SOAT1: variants seen among roughly 807,000 people sequenced by gnomAD.
SOAT1 encodes sterol O-acyltransferase 1, also known as acyl-coenzyme A:cholesterol acyltransferase 1.
A neutral mutation model predicts 69.5 loss-of-function variants in SOAT1; 55 were observed. The ratio of observed to expected loss-of-function variants is 0.79; its 90% CI spans 0.64 to 0.99. SOAT1 has a LOEUF of 0.99. Among genes scored for constraint, SOAT1 ranks in the 50% least tolerant of loss-of-function variants. The pLI is 0.00. For synonymous variants in SOAT1, 231 were observed against 224.7 expected (o/e 1.03, Z -0.25); for missense variants, 580 against 669.3 (o/e 0.87, Z 1.47).
In SOAT1 at chr1:179,358,622, G is replaced by A. The variant is rs942290556; in HGVS notation, c.*4981G>A. ...TGTGTGTGTTAATCCATAGTGTTCT[G>A]AGCACCAGAAGGGTCATGTAAATCT... On this transcript the variant is annotated 3_prime_UTR_variant, in exon 16 of 16. Coordinates refer to ENST00000367619, the MANE Select transcript of SOAT1 (RefSeq NM_003101.6). The A allele has an allele frequency of 5.3e-5, 8 of 152,128 alleles. No homozygotes were observed. Among genetic ancestry groups the A allele is most frequent in the African/African-American group, 1.9e-4 (8 of 41,412 alleles). The allele number at this position is 152,128 out of a possible 1,614,324, so 9.4% of individuals were successfully genotyped here.
chr1:179,330,552 C>G (rs936802746), intron 3 of SOAT1, among the ~76,000 whole-genome samples: 2 of 152,110 alleles, frequency 1.3e-5, no homozygotes, highest in African/African-American at 4.8e-5. Flanking sequence ...CAGTTCCCAA[C>G]AAGGAAGGGG....
intron 1 of SOAT1, among the ~76,000 whole-genome samples, chr1:179,296,746 C>G (rs900408903): frequency 6.6e-6 from 1 of 152,090 alleles, no homozygotes; most frequent in Non-Finnish European, 1.5e-5. Context: ...AGTTCTTTAC[C>G]TGGAGTAGGC....
At chr1:179,345,797 G>T (rs954721874) in intron 11 of SOAT1, among the ~76,000 whole-genome samples, 2 of 152,062 alleles carry the variant, frequency 1.3e-5, no homozygotes, top group Non-Finnish European at 2.9e-5. Context: ...TTATCCTCCT[G>T]TCTCAGCCTC....
intron 2 of SOAT1, among the ~76,000 whole-genome samples, chr1:179,318,241 GATCA>G (rs1386633480): frequency 6.8e-6 from 1 of 146,606 alleles, no homozygotes; most frequent in South Asian, 2.1e-4. Flanking sequence ...AAAGGGCAGA[GATCA>G]ATTAATCCCA....
intron 2 of SOAT1, among the ~76,000 whole-genome samples, chr1:179,317,244 C>T (rs1250844327): frequency 6.6e-6 from 1 of 152,162 alleles, no homozygotes; most frequent in Non-Finnish European, 1.5e-5. Flanking sequence ...AATAAAAATA[C>T]TTAAGCTGGC....
At chr1:179,300,088 C>A (rs768911312) in intron 1 of SOAT1, among the ~76,000 whole-genome samples, 13 of 151,658 alleles carry the variant, frequency 8.6e-5, no homozygotes, top group Non-Finnish European at 1.8e-4. Flanking sequence ...ATGCTTTAAA[C>A]TTTTGCTATA....
intron 15 of SOAT1, among the ~76,000 whole-genome samples, chr1:179,353,220 T>TAAATATATATATATATTTATATATATAA (rs1553248886): frequency 9.9e-6 from 1 of 100,830 alleles, no homozygotes. Flanking sequence ...TATATATATA[T>TAAATATATATATATATTTATATATATAA]ATATCTATTT....
rs1214227073 is a variant in SOAT1 at position 179,358,266 on chromosome 1, GT to G, written c.*4632del. 2 of 152,024 alleles carry G rather than the reference GT, an allele frequency of 1.3e-5. No individual in the cohort carries two copies. Among genetic ancestry groups the G allele is most frequent in the Non-Finnish European group, 2.9e-5 (2 of 67,994 alleles). 9.4% of individuals were successfully genotyped at this position (152,024 alleles called of 1,614,324 possible). ...TAAAAAACTCTAAAACTTCTGTACT[GT>G]TTTTTTCTTAAGTGCTCTCTTCCTT... On this transcript the variant is annotated 3_prime_UTR_variant, in exon 16 of 16. Coordinates refer to ENST00000367619, the MANE Select transcript of SOAT1 (RefSeq NM_003101.6).
chr1:179,321,026 A>C (rs6691771), intron 2 of SOAT1, among the ~76,000 whole-genome samples: 75,398 of 151,620 alleles, frequency 0.5, 19,700 homozygotes, highest in East Asian at 0.84. Flanking sequence ...CCTGCCTTGG[A>C]CTCCCAAGTA....
chr1:179,335,112 C>T (rs1666105001), intron 3 of SOAT1, among the ~76,000 whole-genome samples: 1 of 151,128 alleles, frequency 6.6e-6, no homozygotes, highest in Non-Finnish European at 1.5e-5. Flanking sequence ...GCCTGTAATT[C>T]TAACATTTTG....
intron 2 of SOAT1, among the ~76,000 whole-genome samples, chr1:179,308,670 C>CAA (rs552539528): frequency 6.5e-4 from 64 of 99,204 alleles, no homozygotes; most frequent in South Asian, 3.0e-3. Context: ...AGACTCCGTC[C>CAA]AAAAAAAAAA....
At position 179,357,225 on chromosome 1, in the gene SOAT1, T is replaced by A. The variant is rs1210479157; in HGVS notation, c.*3584T>A. 1.9e-5 allele frequency: 3 copies of A among 160,080 alleles called. No individual in the cohort carries two copies. The highest frequency in any genetic ancestry group is 4.0e-5 in the Non-Finnish European group (3 of 74,494). The allele number at this position is 160,080 out of a possible 1,614,324, so 9.9% of individuals were successfully genotyped here. ...GAATGTTTTGTTTGTTTGTTTGTTT[T>A]GAGACGGAGTCTCAGTCACCAGGCT... On this transcript the variant is annotated 3_prime_UTR_variant, in exon 16 of 16. Coordinates refer to ENST00000367619, the MANE Select transcript of SOAT1 (RefSeq NM_003101.6).
intron 7 of SOAT1, among the ~76,000 whole-genome samples, chr1:179,341,785 G>A (rs12044039): frequency 0.2 from 30,509 of 152,026 alleles, 3,776 homozygotes; most frequent in East Asian, 0.39. Flanking sequence ...CGCCTGCCTC[G>A]GCCTCCCAAA....
At chr1:179,349,843 T>C (rs1571459476) in intron 13 of SOAT1, among the ~76,000 whole-genome samples, 1 of 152,204 alleles carries the variant, frequency 6.6e-6, no homozygotes, top group Non-Finnish European at 1.5e-5. Context: ...GGAAATAGCA[T>C]TGTATTAATA....
At chr1:179,343,083 C>T in intron 9 of SOAT1, 140 bp downstream of exon 9, 1 of 626,924 alleles carries the variant, frequency 1.6e-6, no homozygotes, top group Non-Finnish European at 2.9e-6. Context: ...ACCTGAGAAG[C>T]CTCAAATGGT....
chr1:179,321,889 CTT>C (rs879285100), intron 2 of SOAT1, among the ~76,000 whole-genome samples: 2 of 143,602 alleles, frequency 1.4e-5, no homozygotes, highest in African/African-American at 2.5e-5. Flanking sequence ...TTTTTCTTTC[CTT>C]TTTTTTTTTG....
intron 3 of SOAT1, among the ~76,000 whole-genome samples, chr1:179,333,796 GCCC>G (rs1311279294): frequency 2.7e-4 from 22 of 82,038 alleles, no homozygotes; most frequent in Non-Finnish European, 4.5e-4. Context: ...TCATGCCGTT[GCCC>G]TCTAGCCTGG....
intron 2 of SOAT1, among the ~76,000 whole-genome samples, chr1:179,318,099 G>A (rs1243559351): frequency 6.6e-6 from 1 of 152,032 alleles, no homozygotes; most frequent in Non-Finnish European, 1.5e-5. Flanking sequence ...GGCGGCTGAT[G>A]CAGGAGGATC....
chr1:179,306,129 G>T (rs1361167451), intron 2 of SOAT1, among the ~76,000 whole-genome samples: 1 of 152,130 alleles, frequency 6.6e-6, no homozygotes, highest in Non-Finnish European at 1.5e-5. Context: ...AGAGGGTGAC[G>T]GGTAGGTAGT....
Sources: gnomAD v4.1 joint callset for allele counts (sites outside exome capture counted in the v4.1 genomes callset) on GRCh38, gnomAD v4.1.1 for gene constraint, MANE v1.5 for transcripts, NCBI Gene and HGNC (gene_info 2026-07-23, HGNC 2026-07-21) for gene names.